The following SLC16A10 variants were observed in gnomAD, a reference collection of about 807,000 sequenced individuals.
SLC16A10 encodes solute carrier family 16 member 10, also known as monocarboxylate transporter 10.
A neutral mutation model predicts 40.0 loss-of-function variants in SLC16A10; 27 were observed. That is an observed-to-expected ratio of 0.67 (90% CI 0.50 to 0.93). The LOEUF (loss-of-function observed/expected upper bound fraction) is 0.93. SLC16A10 is among the 40% of genes least tolerant of loss of function. The pLI, the probability that SLC16A10 is intolerant of heterozygous loss-of-function variation, is 0.00. For synonymous variants in SLC16A10, 213 were observed against 249.8 expected (o/e 0.85, Z 1.39); for missense variants, 529 against 658.2 (o/e 0.80, Z 2.15).
chr6:111,093,034 T>A, intron 1 of SLC16A10, among the ~76,000 whole-genome samples: 2 of 121,638 alleles, frequency 1.6e-5, no homozygotes, highest in Non-Finnish European at 1.7e-5. Flanking sequence ...AGAGTGAAAC[T>A]CCGTCTCAAA....
intron 1 of SLC16A10, among the ~76,000 whole-genome samples, chr6:111,140,962 T>G (rs554004726): frequency 4.5e-4 from 69 of 152,256 alleles, no homozygotes; most frequent in Admixed American, 1.4e-3. Flanking sequence ...ATTTTTAAAT[T>G]GTTTTTAATA....
intron 1 of SLC16A10, among the ~76,000 whole-genome samples, chr6:111,142,853 A>G (rs1772007872): frequency 6.6e-6 from 1 of 152,192 alleles, no homozygotes; most frequent in Non-Finnish European, 1.5e-5. Flanking sequence ...TGATCCAACA[A>G]TTGCAGTCCT....
At chr6:111,110,071 G>A (rs1771359336) in intron 1 of SLC16A10, among the ~76,000 whole-genome samples, 1 of 152,050 alleles carries the variant, frequency 6.6e-6, no homozygotes. Context: ...ATGAATAGTG[G>A]TGCTGCCAAT....
At chr6:111,212,441 T>C (rs1434465260) in intron 4 of SLC16A10, among the ~76,000 whole-genome samples, 1 of 152,156 alleles carries the variant, frequency 6.6e-6, no homozygotes, top group Non-Finnish European at 1.5e-5. Flanking sequence ...GCTTAAGAGT[T>C]CTGAATTTAA....
chr6:111,087,645 T>G lies in SLC16A10; in HGVS notation c.-108T>G. On this transcript the variant is annotated 5_prime_UTR_variant, in exon 1 of 6. Transcript: ENST00000368851. Reference sequence around the variant, plus strand: ...CCGCCCGCCAGGGGCTCCGCCGCCCTCGCCTCGGCCTCGTTAGCCCGCCAG... The same window carrying G: ...CCGCCCGCCAGGGGCTCCGCCGCCCGCGCCTCGGCCTCGTTAGCCCGCCAG... 1.7e-6 allele frequency: 1 copy of G among 590,502 alleles called. No individual in the cohort carries two copies. Among genetic ancestry groups the G allele is most frequent in the Non-Finnish European group, 2.4e-6 (1 of 421,352 alleles). 36.6% of individuals were successfully genotyped at this position (590,502 alleles called of 1,614,324 possible).
chr6:111,115,676 G>A (rs1771472955), intron 1 of SLC16A10, among the ~76,000 whole-genome samples: 1 of 152,180 alleles, frequency 6.6e-6, no homozygotes. Context: ...TATCTAGAAA[G>A]GGTCAGGAGT....
chr6:111,221,582 C>CA (rs1351339073), intron 5 of SLC16A10, among the ~76,000 whole-genome samples: 5 of 151,770 alleles, frequency 3.3e-5, no homozygotes, highest in Middle Eastern at 3.4e-3. Context: ...CCCATCTCTA[C>CA]AAAAAATATA....
At chr6:111,190,351 A>G (rs866040978) in intron 3 of SLC16A10, among the ~76,000 whole-genome samples, 1 of 152,178 alleles carries the variant, frequency 6.6e-6, no homozygotes, top group Non-Finnish European at 1.5e-5. Flanking sequence ...ATGGGCTGGC[A>G]TTGAGTGTCT....
At chr6:111,188,590 G>GTTCTCAT (rs1772939902) in intron 3 of SLC16A10, among the ~76,000 whole-genome samples, 1 of 152,012 alleles carries the variant, frequency 6.6e-6, no homozygotes, top group African/African-American at 2.4e-5. Context: ...CCCAAGTGCT[G>GTTCTCAT]GGATCACAGG....
intron 4 of SLC16A10, among the ~76,000 whole-genome samples, chr6:111,215,136 A>G (rs374821323): frequency 6.6e-6 from 1 of 151,984 alleles, no homozygotes; most frequent in African/African-American, 2.4e-5. Context: ...TAAAAAAAAT[A>G]AAAAAAAGAA....
At chr6:111,092,460 C>T (rs762988924) in intron 1 of SLC16A10, among the ~76,000 whole-genome samples, 4 of 151,308 alleles carry the variant, frequency 2.6e-5, no homozygotes, top group African/African-American at 4.9e-5. Flanking sequence ...GGACTACCTG[C>T]GCTTGCCACC....
At chr6:111,115,049 T>A (rs895212533) in intron 1 of SLC16A10, among the ~76,000 whole-genome samples, 1 of 152,088 alleles carries the variant, frequency 6.6e-6, no homozygotes, top group Admixed American at 6.6e-5. Context: ...TAGTATTTAA[T>A]TGTATGTTCT....
chr6:111,207,311 A>G (rs917863928), intron 4 of SLC16A10, among the ~76,000 whole-genome samples: 2 of 152,026 alleles, frequency 1.3e-5, no homozygotes, highest in Non-Finnish European at 2.9e-5. Flanking sequence ...TGTAGTTCTC[A>G]TAGTCATGTG....
intron 1 of SLC16A10, among the ~76,000 whole-genome samples, chr6:111,128,623 A>G (rs998752049): frequency 1.3e-5 from 2 of 152,214 alleles, no homozygotes; most frequent in Non-Finnish European, 2.9e-5. Flanking sequence ...TCGAAGTCGG[A>G]TGCAGTAAGG....
chr6:111,179,998 T>A (rs1368656700), intron 3 of SLC16A10, among the ~76,000 whole-genome samples: 1 of 152,238 alleles, frequency 6.6e-6, no homozygotes, highest in Non-Finnish European at 1.5e-5. Context: ...GTGTCTCATA[T>A]CCTTCAAAAG....
chr6:111,143,492 G>C (rs1226561000), intron 1 of SLC16A10, among the ~76,000 whole-genome samples: 1 of 152,118 alleles, frequency 6.6e-6, no homozygotes, highest in Non-Finnish European at 1.5e-5. Flanking sequence ...TCAAGTAGGA[G>C]CCCAGCTAAT....
At position 111,227,482 on chromosome 6, in the gene SLC16A10, A is replaced by G. The variant is rs1583374302; in HGVS notation, c.*5247A>G. 2.6e-5 allele frequency: 4 copies of G among 152,174 alleles called. No homozygotes were observed. The highest frequency in any genetic ancestry group is 2.6e-4 in the Admixed American group (4 of 15,282). The allele number at this position is 152,174 out of a possible 1,614,324, so 9.4% of individuals were successfully genotyped here. A position where few individuals can be genotyped will look rare whatever the true frequency, so the allele number is the denominator to read the frequency against. ...GATGACTCCTCCTGAGACAGTAAAG[A>G]CTCCTGGAAAATTCATGACATCTTT... On this transcript the variant is annotated 3_prime_UTR_variant, in exon 6 of 6. Coordinates refer to ENST00000368851, the MANE Select transcript of SLC16A10 (RefSeq NM_018593.5).
intron 5 of SLC16A10, 51 bp downstream of exon 5, chr6:111,219,093 T>C: frequency 6.7e-7 from 1 of 1,499,690 alleles, no homozygotes; most frequent in Non-Finnish European, 9.2e-7. Context: ...TATTTTCTAC[T>C]TCAGGTCTTA....
At chr6:111,092,835 A>T (rs9386997) in intron 1 of SLC16A10, among the ~76,000 whole-genome samples, 148,969 of 150,094 alleles carry the variant, frequency 0.99, 73,926 homozygotes, top group East Asian at 1. Context: ...AGGTCAGGAG[A>T]TTGAGACCAG....
Sources: allele counts gnomAD v4.1 joint callset (sites outside exome capture counted in the v4.1 genomes callset), GRCh38; gene constraint gnomAD v4.1.1; transcripts MANE v1.5; gene names NCBI Gene and HGNC (gene_info 2026-07-23, HGNC 2026-07-21).